The following ADGRE3 variants were observed in gnomAD, a reference collection of about 807,000 sequenced individuals.
ADGRE3 encodes the protein adhesion G protein-coupled receptor E3, also known as EGF-like module receptor 3.
ADGRE3 carries 88 observed loss-of-function variants against 80.1 expected under a neutral mutation model. The ratio of observed to expected loss-of-function variants is 1.10; its 90% CI spans 0.93 to 1.31. The LOEUF (loss-of-function observed/expected upper bound fraction) is 1.31. ADGRE3 is among the 40% of genes most tolerant of loss of function. The pLI, the probability that ADGRE3 is intolerant of heterozygous loss-of-function variation, is 0.00. For synonymous variants in ADGRE3, 281 were observed against 294.8 expected (o/e 0.95, Z 0.48); for missense variants, 715 against 776.5 (o/e 0.92, Z 0.94).
the ADGRE3 span, among the ~76,000 whole-genome samples, chr19:14,605,391 C>T: frequency 1.3e-5 from 2 of 152,078 alleles, no homozygotes; most frequent in African/African-American, 2.4e-5. Flanking sequence ...CCACCGCGCC[C>T]GGCCACCTCC....
intron 3 of ADGRE3, 131 bp from the exon 4 acceptor site, chr19:14,662,249 G>C (rs1971968933): frequency 1.2e-6 from 1 of 823,126 alleles, no homozygotes; most frequent in East Asian, 2.8e-5. Flanking sequence ...TTAGGTAATG[G>C]TTATCTTGGT....
intron 2 of ADGRE3, 134 bp from the exon 3 acceptor site, chr19:14,663,674 A>T (rs1017672371): frequency 1.8e-6 from 2 of 1,086,024 alleles, no homozygotes; most frequent in African/African-American, 3.2e-5. Flanking sequence ...CCCCATTTCT[A>T]CTAAAAATAC....
At chr19:14,641,175 A>T (rs1287407466) in intron 10 of ADGRE3, among the ~76,000 whole-genome samples, 1 of 152,196 alleles carries the variant, frequency 6.6e-6, no homozygotes, top group East Asian at 1.9e-4. Flanking sequence ...ATGCCTCGTT[A>T]CCTGGGTATC....
chr19:14,602,577 G>A, the ADGRE3 span, among the ~76,000 whole-genome samples: 28 of 151,984 alleles, frequency 1.8e-4, no homozygotes, highest in Non-Finnish European at 5.9e-5. Context: ...ACAGGCATGA[G>A]CCACTGTACC....
chr19:14,652,645 G>C (rs1971638369), intron 6 of ADGRE3, among the ~76,000 whole-genome samples: 1 of 151,658 alleles, frequency 6.6e-6, no homozygotes, highest in Admixed American at 6.6e-5. Flanking sequence ...GGTCATGGTG[G>C]CAGGCACCTT....
chr19:14,667,350 T>A lies in ADGRE3; in HGVS notation c.76+1452A>T, dbSNP rs561861001. 6.1e-4 allele frequency among the ~76,000 whole-genome samples: 93 copies of A among 152,180 alleles called. 1 individual carries two copies. Among genetic ancestry groups the A allele is most frequent in the African/African-American group, 2.2e-3 (91 of 41,542 alleles). On this transcript the variant is annotated intron_variant, in intron 2 of 15. Transcript: ENST00000253673. ...CATGAATGTCTTCTTTTCTGTTTTT[T>A]TTTTTTTTAAATTTGGTAACATGCA... is the stretch of plus-strand genomic sequence containing the variant.
chr19:14,625,716 A>G (rs1469773553), intron 14 of ADGRE3, 117 bp from the exon 15 acceptor site: 1 of 669,276 alleles, frequency 1.5e-6, no homozygotes, highest in Non-Finnish European at 2.7e-6. Context: ...TTCACAAAAC[A>G]TGGTCTATTC....
intron 7 of ADGRE3, among the ~76,000 whole-genome samples, chr19:14,650,621 C>T (rs1237537150): frequency 7.8e-6 from 1 of 128,976 alleles, no homozygotes; most frequent in Non-Finnish European, 1.7e-5. Flanking sequence ...CTCTTGCTCT[C>T]TGTCTCCATC....
chr19:14,611,792 A>G, the ADGRE3 span, among the ~76,000 whole-genome samples: 1 of 152,158 alleles, frequency 6.6e-6, no homozygotes, highest in African/African-American at 2.4e-5. Context: ...ACCTGGGGTC[A>G]GGATTTCGAG....
chr19:14,618,195 G>C (rs767168543), downstream of ADGRE3, among the ~76,000 whole-genome samples: 1 of 152,066 alleles, frequency 6.6e-6, no homozygotes, highest in Non-Finnish European at 1.5e-5. Context: ...GAATGACTAA[G>C]TCAAGCTAAT....
downstream of ADGRE3, among the ~76,000 whole-genome samples, chr19:14,616,070 T>C (rs1307542352): frequency 2.0e-5 from 3 of 151,684 alleles, no homozygotes; most frequent in Admixed American, 6.6e-5. Flanking sequence ...TAGCTGGGAC[T>C]ACAGGCCTAT....
At chr19:14,615,198 CCTTCTT>C (rs1313237660), downstream of ADGRE3, among the ~76,000 whole-genome samples, 11 of 122,490 alleles carry the variant, frequency 9.0e-5, no homozygotes, top group Admixed American at 3.0e-4. Context: ...TCTACAGCTG[CCTTCTT>C]TTTTTTTTTT....
chr19:14,645,349 G>C (rs1365324164), intron 8 of ADGRE3, among the ~76,000 whole-genome samples: 1 of 152,164 alleles, frequency 6.6e-6, no homozygotes, highest in Non-Finnish European at 1.5e-5. Context: ...GAAAAGTCAT[G>C]AGGAGAGAGA....
At position 14,620,566 on chromosome 19, in the gene ADGRE3, A is replaced by AT. The variant is rs1568471671; in HGVS notation, c.1921-1096dup. Among the ~76,000 whole-genome samples, 13 of 16,050 alleles carry AT rather than the reference A, an allele frequency of 8.1e-4. 1 individual carries two copies. The highest frequency in any genetic ancestry group is 1.3e-3 in the Admixed American group (1 of 800). 10.5% of individuals were successfully genotyped at this position (16,050 alleles called of 152,430 possible). A position where few individuals can be genotyped will look rare whatever the true frequency, so the allele number is the denominator to read the frequency against. ...ATATATATTATATATATATATATAT[A>AT]TATTTTTTTTTTTTTTTTTTTTTTT... is the stretch of plus-strand genomic sequence containing the variant. On this transcript the variant is annotated intron_variant, in intron 15 of 15. Coordinates refer to ENST00000253673, the MANE Select transcript of ADGRE3 (RefSeq NM_032571.5).
At chr19:14,601,853 C>T in the ADGRE3 span, among the ~76,000 whole-genome samples, 3 of 151,936 alleles carry the variant, frequency 2.0e-5, no homozygotes, top group Non-Finnish European at 4.4e-5. Flanking sequence ...AGTGCAGTGG[C>T]GCGATCTCGG....
At chr19:14,626,394 G>A (rs549375864) in intron 14 of ADGRE3, among the ~76,000 whole-genome samples, 30 of 151,998 alleles carry the variant, frequency 2.0e-4, no homozygotes, top group African/African-American at 6.5e-4. Flanking sequence ...CTGAGATCAC[G>A]GCACTGCACT....
At chr19:14,607,039 G>T in the ADGRE3 span, 1 of 1,350,224 alleles carries the variant, frequency 7.4e-7, no homozygotes, top group African/African-American at 1.5e-5. Flanking sequence ...TACTGGCTGG[G>T]GCTGAATGAC....
At chr19:14,657,149 C>T (rs1382284729) in intron 5 of ADGRE3, among the ~76,000 whole-genome samples, 1 of 152,068 alleles carries the variant, frequency 6.6e-6, no homozygotes, top group Non-Finnish European at 1.5e-5. Flanking sequence ...CACCCACCTC[C>T]CAAAGTGCTG....
chr19:14,610,405 C>T, the ADGRE3 span: 1 of 610,722 alleles, frequency 1.6e-6, no homozygotes, highest in Non-Finnish European at 2.8e-6. Flanking sequence ...AGATGGTGAG[C>T]TGGGAGGATG....
Sources: gnomAD v4.1 joint callset for allele counts (sites outside exome capture counted in the v4.1 genomes callset) on GRCh38, gnomAD v4.1.1 for gene constraint, MANE v1.5 for transcripts, NCBI Gene and HGNC (gene_info 2026-07-23, HGNC 2026-07-21) for gene names.